TMEM132C: variants seen among roughly 807,000 people sequenced by gnomAD.
TMEM132C encodes the protein protein phosphatase 1, regulatory subunit 152.
TMEM132C carries 29 observed loss-of-function variants against 61.4 expected under a neutral mutation model. The observed-to-expected ratio is 0.47, with a 90% CI of 0.35 to 0.64. The LOEUF (loss-of-function observed/expected upper bound fraction) is 0.64, where lower values mean the gene tolerates loss of function less well. TMEM132C is among the 30% of genes least tolerant of loss of function. The pLI, the probability that TMEM132C is intolerant of heterozygous loss-of-function variation, is 0.00. For synonymous variants in TMEM132C, 656 were observed against 633.1 expected (o/e 1.04, Z -0.54); for missense variants, 1,408 against 1,476.9 (o/e 0.95, Z 0.76).
At chr12:128,435,700 T>C (rs1455331205) in intron 2 of TMEM132C, among the ~76,000 whole-genome samples, 1 of 152,080 alleles carries the variant, frequency 6.6e-6, no homozygotes, top group Admixed American at 6.5e-5. Flanking sequence ...AGAATCAATA[T>C]CATGAAAATG....
chr12:128,319,189 C>T (rs1221786811), intron 1 of TMEM132C, among the ~76,000 whole-genome samples: 1 of 152,006 alleles, frequency 6.6e-6, no homozygotes, highest in Non-Finnish European at 1.5e-5. Context: ...CTGTGGTTGC[C>T]CTAATAGAGA....
intron 1 of TMEM132C, among the ~76,000 whole-genome samples, chr12:128,317,821 G>T (rs1449885554): frequency 3.9e-5 from 6 of 152,198 alleles, no homozygotes; most frequent in Non-Finnish European, 8.8e-5. Flanking sequence ...GGAGGCAGAG[G>T]TTTCAGTGAG....
intron 3 of TMEM132C, among the ~76,000 whole-genome samples, chr12:128,568,626 G>A (rs566006877): frequency 2.0e-5 from 3 of 152,300 alleles, no homozygotes; most frequent in African/African-American, 7.2e-5. Context: ...AGGTCACACA[G>A]CTGGCAAGTG....
At chr12:128,617,187 T>C (rs1465482890) in intron 4 of TMEM132C, among the ~76,000 whole-genome samples, 1 of 152,228 alleles carries the variant, frequency 6.6e-6, no homozygotes, top group Non-Finnish European at 1.5e-5. Context: ...TCAGCGCGGC[T>C]GGTCTGCAGA....
intron 1 of TMEM132C, among the ~76,000 whole-genome samples, chr12:128,367,623 C>T (rs1011726691): frequency 6.6e-6 from 1 of 152,058 alleles, no homozygotes; most frequent in Non-Finnish European, 1.5e-5. Flanking sequence ...GATTCTAGAC[C>T]TTCCCTGTCC....
At chr12:128,322,809 A>C (rs1298504983) in intron 1 of TMEM132C, among the ~76,000 whole-genome samples, 3 of 152,202 alleles carry the variant, frequency 2.0e-5, no homozygotes, top group Admixed American at 6.5e-5. Flanking sequence ...AGGTTTCTTG[A>C]GTTTTACATA....
chr12:128,482,091 T>C (rs1452424329), intron 2 of TMEM132C, among the ~76,000 whole-genome samples: 1 of 151,920 alleles, frequency 6.6e-6, no homozygotes, highest in Non-Finnish European at 1.5e-5. Context: ...TTATTGAGAG[T>C]TTTTAGCATG....
At chr12:128,303,761 T>A (rs542873460) in intron 1 of TMEM132C, among the ~76,000 whole-genome samples, 66 of 152,164 alleles carry the variant, frequency 4.3e-4, no homozygotes, top group Admixed American at 1.1e-3. Context: ...ACCTCTTGCA[T>A]GCAGCAGGCC....
intron 1 of TMEM132C, among the ~76,000 whole-genome samples, chr12:128,276,405 G>A (rs1280772157): frequency 1.3e-5 from 2 of 152,186 alleles, no homozygotes; most frequent in Admixed American, 6.5e-5. Flanking sequence ...TCAAGTGTGA[G>A]GTGTTTGTTT....
chr12:128,699,679 G>T (rs549662408), intron 8 of TMEM132C, among the ~76,000 whole-genome samples: 3 of 152,318 alleles, frequency 2.0e-5, no homozygotes, highest in Non-Finnish European at 2.9e-5. Context: ...AGATAATCCA[G>T]GAAGATCACT....
At chr12:128,479,202 C>G (rs1387116123) in intron 2 of TMEM132C, among the ~76,000 whole-genome samples, 1 of 152,138 alleles carries the variant, frequency 6.6e-6, no homozygotes, top group Non-Finnish European at 1.5e-5. Flanking sequence ...ATGCTGGGGC[C>G]TTTCAGAGGG....
At chr12:128,287,973 G>C (rs566507659) in intron 1 of TMEM132C, among the ~76,000 whole-genome samples, 2 of 151,778 alleles carry the variant, frequency 1.3e-5, no homozygotes, top group Admixed American at 1.3e-4. Flanking sequence ...CGGACATTGA[G>C]TTCTGAATTG....
intron 2 of TMEM132C, among the ~76,000 whole-genome samples, chr12:128,473,617 C>T (rs1377372661): frequency 2.0e-5 from 3 of 152,162 alleles, no homozygotes; most frequent in Non-Finnish European, 4.4e-5. Context: ...CATCTTCACT[C>T]CAGCCTCTGT....
intron 2 of TMEM132C, among the ~76,000 whole-genome samples, chr12:128,451,306 C>G (rs1401017178): frequency 3.3e-5 from 5 of 152,108 alleles, no homozygotes; most frequent in Non-Finnish European, 7.4e-5. Flanking sequence ...TATTGTTTTT[C>G]CTGTTTGTCC....
chr12:128,501,862 C>T (rs560878412), intron 2 of TMEM132C, among the ~76,000 whole-genome samples: 129 of 152,304 alleles, frequency 8.5e-4, no homozygotes, highest in Non-Finnish European at 1.6e-3. Context: ...TGATTCTCAA[C>T]CATTGCCTCC....
At chr12:128,476,951 A>G (rs1362473203) in intron 2 of TMEM132C, among the ~76,000 whole-genome samples, 1 of 152,212 alleles carries the variant, frequency 6.6e-6, no homozygotes, top group African/African-American at 2.4e-5. Flanking sequence ...ATAAAATAAA[A>G]CCTCACTTTC....
intron 1 of TMEM132C, among the ~76,000 whole-genome samples, chr12:128,279,499 A>G (rs963911688): frequency 1.3e-5 from 2 of 152,078 alleles, no homozygotes; most frequent in Non-Finnish European, 2.9e-5. Flanking sequence ...CTGTGCGGTG[A>G]TCTACAAGGC....
intron 2 of TMEM132C, among the ~76,000 whole-genome samples, chr12:128,490,319 T>C (rs1406310114): frequency 6.6e-6 from 1 of 152,188 alleles, no homozygotes; most frequent in Admixed American, 6.5e-5. Flanking sequence ...GGCCCTTCAG[T>C]GGTCAGAAGC....
chr12:128,596,287 G>A (rs1039654656), intron 3 of TMEM132C, among the ~76,000 whole-genome samples: 4 of 148,776 alleles, frequency 2.7e-5, no homozygotes, highest in African/African-American at 5.0e-5. Context: ...TGCCCCTTTC[G>A]CAGGTCCTGG....
Sources: gnomAD v4.1 joint callset for allele counts (sites outside exome capture counted in the v4.1 genomes callset) on GRCh38, gnomAD v4.1.1 for gene constraint, MANE v1.5 for transcripts, NCBI Gene and HGNC (gene_info 2026-07-23, HGNC 2026-07-21) for gene names.